The following AKIRIN2 variants were observed in gnomAD, a reference collection of about 807,000 sequenced individuals.
AKIRIN2 encodes the protein akirin-2.
In AKIRIN2, 6 loss-of-function variants were observed where a neutral mutation model predicts 29.3. The ratio of observed to expected loss-of-function variants is 0.20; its 90% confidence interval spans 0.11 to 0.40. AKIRIN2 has a LOEUF of 0.40. Among genes scored for constraint, AKIRIN2 ranks in the 10% least tolerant of loss-of-function variants. AKIRIN2 has a pLI of 1.00. For missense variants in AKIRIN2, 210 were observed against 276.1 expected, an observed-to-expected ratio of 0.76 and a Z score of 1.70; for synonymous variants, 128 against 117.5, an observed-to-expected ratio of 1.09 and a Z score of -0.58.
intron 1 of AKIRIN2, among the ~76,000 whole-genome samples, chr6:87,683,184 C>T (rs779479379): frequency 6.6e-6 from 1 of 151,906 alleles, no homozygotes; most frequent in Admixed American, 6.6e-5. Context: ...TTAAAGATAC[C>T]ATTTACATAA....
Position 87,690,222 on chromosome 6 carries a change from A to C in AKIRIN2, c.236-8459T>G, listed in dbSNP as rs550144738. On this transcript the variant is annotated intron_variant, in intron 1 of 4. Coordinates refer to ENST00000257787, the MANE Select transcript of AKIRIN2 (RefSeq NM_018064.4). ...ACTCCATCTCAAAAAAAAAAAAACC[A>C]AAAAAACAAAAAAAACCAACTCTTA... 4.2e-3 allele frequency among the ~76,000 whole-genome samples: 614 copies of C among 146,540 alleles called. 7 individuals are homozygous for C. Among genetic ancestry groups the C allele is most frequent in the African/African-American group, 0.015 (583 of 37,754 alleles).
intron 1 of AKIRIN2, among the ~76,000 whole-genome samples, chr6:87,687,438 T>TA (rs762940563): frequency 1.8e-4 from 6 of 32,602 alleles, no homozygotes; most frequent in African/African-American, 1.2e-3. Context: ...AAATTCCGTT[T>TA]CAAAAAAAAA....
At chr6:87,688,056 C>G (rs1771216812) in intron 1 of AKIRIN2, among the ~76,000 whole-genome samples, 1 of 152,110 alleles carries the variant, frequency 6.6e-6, no homozygotes, top group South Asian at 2.1e-4. Context: ...AGTTTGATCC[C>G]AGGAGTGCCA....
intron 3 of AKIRIN2, among the ~76,000 whole-genome samples, 164 bp downstream of exon 3, chr6:87,677,654 C>T (rs926871397): frequency 1.3e-5 from 2 of 152,176 alleles, no homozygotes; most frequent in Non-Finnish European, 1.5e-5. Flanking sequence ...GTTACCAAGG[C>T]GGGCATGAGC....
chr6:87,687,449 A>AAAAAAC (rs1554257464), intron 1 of AKIRIN2, among the ~76,000 whole-genome samples: 4 of 151,226 alleles, frequency 2.6e-5, no homozygotes, highest in Admixed American at 6.6e-5. Flanking sequence ...CAAAAAAAAA[A>AAAAAAC]AAAAAAACAC....
intron 3 of AKIRIN2, among the ~76,000 whole-genome samples, chr6:87,676,470 A>G (rs1253501166): frequency 3.9e-4 from 43 of 110,112 alleles, no homozygotes; most frequent in Admixed American, 1.5e-3. Flanking sequence ...AAAAAAAAAA[A>G]ACGAGGCCGG....
At chr6:87,682,443 A>G (rs1771134825) in intron 1 of AKIRIN2, among the ~76,000 whole-genome samples, 1 of 152,220 alleles carries the variant, frequency 6.6e-6, no homozygotes, top group Non-Finnish European at 1.5e-5. Context: ...CCACAGTGCA[A>G]TTATCTTGAA....
chr6:87,689,856 C>T (rs1371819272), intron 1 of AKIRIN2, among the ~76,000 whole-genome samples: 2 of 152,196 alleles, frequency 1.3e-5, no homozygotes, highest in African/African-American at 4.8e-5. Flanking sequence ...TCCTAGTTTA[C>T]TTTAAATCAT....
chr6:87,675,561 A>G lies in AKIRIN2; in HGVS notation c.*36T>C, dbSNP rs775995245. The stretch of plus-strand genomic sequence containing the variant: ...TGGGACCTCTTGCAACAACTCAACA[A>G]GGAACAAGGCAGCCCACAAATGCAG... On this transcript the variant is annotated 3_prime_UTR_variant, in exon 5 of 5. Transcript: ENST00000257787. The G allele has an allele frequency of 1.5e-5, 25 of 1,613,494 alleles. No individual in the cohort carries two copies. Among genetic ancestry groups the G allele is most frequent in the Admixed American group, 1.0e-4 (6 of 60,010 alleles).
intron 1 of AKIRIN2, among the ~76,000 whole-genome samples, chr6:87,683,650 T>TTTTTC (rs1217072257): frequency 2.6e-5 from 4 of 151,834 alleles, no homozygotes; most frequent in African/African-American, 4.8e-5. Context: ...ATCTAAAGGG[T>TTTTTC]TTTTCTTTTC....
At chr6:87,691,440 T>TAAAAAAAA (rs34981397) in intron 1 of AKIRIN2, among the ~76,000 whole-genome samples, 1 of 84,830 alleles carries the variant, frequency 1.2e-5, no homozygotes, top group African/African-American at 4.2e-5. Flanking sequence ...AACCTCATCT[T>TAAAAAAAA]AAAAAAAAAA....
At chr6:87,676,946 A>G (rs1771019419) in intron 3 of AKIRIN2, among the ~76,000 whole-genome samples, 1 of 151,768 alleles carries the variant, frequency 6.6e-6, no homozygotes, top group Non-Finnish European at 1.5e-5. Flanking sequence ...GCATGGTGGT[A>G]GGTGCCTGTA....
chr6:87,684,796 T>C (rs1771164246), intron 1 of AKIRIN2, among the ~76,000 whole-genome samples: 1 of 152,206 alleles, frequency 6.6e-6, no homozygotes, highest in African/African-American at 2.4e-5. Context: ...ATTTAGGCTG[T>C]TTCCAATTTG....
Position 87,677,804 on chromosome 6 carries a change from A to C in AKIRIN2, c.529+14T>G, listed in dbSNP as rs770269384. 9.6e-5 allele frequency: 155 copies of C among 1,610,870 alleles called. No homozygotes were observed. In the Admixed American group the frequency reaches 2.6e-3, roughly 27 times the overall value. ...ACTGAGTTCCTCAGAAACTCTAATA[A>C]ACACACCTCATACCTGCAAGTTTTG... On this transcript the variant is annotated intron_variant, in intron 3 of 4. Transcript: ENST00000257787.
chr6:87,688,723 A>G (rs1771231374), intron 1 of AKIRIN2, among the ~76,000 whole-genome samples: 1 of 152,204 alleles, frequency 6.6e-6, no homozygotes, highest in Non-Finnish European at 1.5e-5. Context: ...AATGCACTCC[A>G]GCCTGGGCAA....
chr6:87,681,079 C>A (rs1771111959), intron 2 of AKIRIN2, among the ~76,000 whole-genome samples: 1 of 152,068 alleles, frequency 6.6e-6, no homozygotes. Context: ...ACTCTGTCGC[C>A]CAAGCTGGAG....
Position 87,702,162 on chromosome 6 carries a change from A to C in AKIRIN2, c.-478T>G, listed in dbSNP as rs1262679444. 2.0e-5 allele frequency: 8 copies of C among 398,418 alleles called. No individual in the cohort carries two copies. The highest frequency in any genetic ancestry group is 3.5e-5 in the Non-Finnish European group (8 of 225,996). 24.7% of individuals were successfully genotyped at this position (398,418 alleles called of 1,614,324 possible). On this transcript the variant is annotated 5_prime_UTR_variant, in exon 1 of 5. Coordinates refer to ENST00000257787, the MANE Select transcript of AKIRIN2 (RefSeq NM_018064.4). Reference sequence around the variant, plus strand: ...TGCGAGCGGCGATCGATGCAGAGAGATTGCGAGGTAGCTGCCGCAGCAGGA... The same window carrying C: ...TGCGAGCGGCGATCGATGCAGAGAGCTTGCGAGGTAGCTGCCGCAGCAGGA...
intron 1 of AKIRIN2, among the ~76,000 whole-genome samples, chr6:87,694,373 A>G (rs539331706): frequency 6.6e-6 from 1 of 152,316 alleles, no homozygotes; most frequent in East Asian, 1.9e-4. Context: ...TAAGAAATGA[A>G]AATAGGTATA....
intron 1 of AKIRIN2, among the ~76,000 whole-genome samples, chr6:87,683,983 C>G (rs989760696): frequency 6.6e-6 from 1 of 152,136 alleles, no homozygotes; most frequent in African/African-American, 2.4e-5. Flanking sequence ...GTAAGCTTCA[C>G]TCATATTCAT....
Sources: allele counts gnomAD v4.1 joint callset (sites outside exome capture counted in the v4.1 genomes callset), GRCh38; gene constraint gnomAD v4.1.1; transcripts MANE v1.5; gene names NCBI Gene and HGNC (gene_info 2026-07-23, HGNC 2026-07-21).